Variants in SYT9 observed in about 807,000 individuals in gnomAD.
The protein encoded by SYT9 is synaptotagmin 9.
A neutral mutation model predicts 48.4 loss-of-function variants in SYT9; 22 were observed. That is an observed-to-expected ratio of 0.45 (90% CI 0.32 to 0.65). The LOEUF (loss-of-function observed/expected upper bound fraction) is 0.65, where lower values mean the gene tolerates loss of function less well. Among genes scored for constraint, SYT9 ranks in the 30% least tolerant of loss-of-function variants. The pLI is 0.03. For missense variants in SYT9, 577 were observed against 622.0 expected (o/e 0.93, Z 0.77); for synonymous variants, 265 against 245.0 (o/e 1.08, Z -0.76).
chr11:7,319,427 A>G (rs931341605), intron 3 of SYT9, among the ~76,000 whole-genome samples: 17 of 151,334 alleles, frequency 1.1e-4, no homozygotes, highest in African/African-American at 2.9e-4. Context: ...CTGACCTCCA[A>G]TTGTTTTTGA....
At chr11:7,424,430 G>C (rs1847416236) in intron 6 of SYT9, among the ~76,000 whole-genome samples, 1 of 152,168 alleles carries the variant, frequency 6.6e-6, no homozygotes, top group South Asian at 2.1e-4. Context: ...CAATTCAAGA[G>C]AAGATGGTTT....
intron 6 of SYT9, among the ~76,000 whole-genome samples, chr11:7,454,875 G>T (rs1462015868): frequency 6.6e-6 from 1 of 152,188 alleles, no homozygotes; most frequent in Non-Finnish European, 1.5e-5. Flanking sequence ...TTTGCCTGGA[G>T]GAGGCTTCTG....
In SYT9 at chr11:7,466,972, A is replaced by G. The variant is rs1848349748; in HGVS notation, c.*172A>G. The G allele has an allele frequency of 7.7e-6, 6 of 779,042 alleles. No individual in the cohort carries two copies. Among genetic ancestry groups the G allele is most frequent in the African/African-American group, 3.5e-5 (2 of 56,770 alleles). The allele number at this position is 779,042 out of a possible 1,614,324, so 48.3% of individuals were successfully genotyped here. A position where few individuals can be genotyped will look rare whatever the true frequency, so the allele number is the denominator to read the frequency against. Reference sequence around the variant, plus strand: ...TCCAGATTGGGTTTGGTGAACCTGAATGGTCCAGCCACCTTCTGCAGGTGG... The same window carrying G: ...TCCAGATTGGGTTTGGTGAACCTGAGTGGTCCAGCCACCTTCTGCAGGTGG... On this transcript the variant is annotated 3_prime_UTR_variant, in exon 7 of 7. Transcript: ENST00000318881.
intron 3 of SYT9, among the ~76,000 whole-genome samples, chr11:7,362,731 C>A (rs769579161): frequency 2.0e-5 from 3 of 152,190 alleles, no homozygotes; most frequent in Middle Eastern, 6.8e-3. Context: ...TTGCTTTCAA[C>A]ATTAATGTGT....
intron 3 of SYT9, among the ~76,000 whole-genome samples, chr11:7,413,232 C>G (rs992576395): frequency 6.6e-6 from 1 of 152,128 alleles, no homozygotes; most frequent in Admixed American, 6.5e-5. Flanking sequence ...CTAGTGACAG[C>G]GGGATTTATC....
chr11:7,264,779 G>T (rs1264832422), intron 1 of SYT9, among the ~76,000 whole-genome samples: 1 of 152,092 alleles, frequency 6.6e-6, no homozygotes, highest in Non-Finnish European at 1.5e-5. Flanking sequence ...CCAGGGTTTT[G>T]GAAGTGTTAT....
chr11:7,319,822 T>C (rs1263595782), intron 3 of SYT9, among the ~76,000 whole-genome samples: 1 of 152,202 alleles, frequency 6.6e-6, no homozygotes, highest in Non-Finnish European at 1.5e-5. Flanking sequence ...GACTCACATT[T>C]ACCTCCATTC....
At position 7,468,104 on chromosome 11, in the gene SYT9, C is replaced by T. The variant is rs754421282; in HGVS notation, c.*1304C>T. The T allele has an allele frequency of 5.6e-4, 220 of 394,302 alleles. 1 individual carries two copies. Among genetic ancestry groups the T allele is most frequent in the Non-Finnish European group, 8.8e-4 (196 of 223,670 alleles). The allele number at this position is 394,302 out of a possible 1,614,324, so 24.4% of individuals were successfully genotyped here. Reference sequence around the variant, plus strand: ...ATAGGTGCAAGGCACCCCATCCACACATTTGCACCACTACTCCAAGATAGT... The same window carrying T: ...ATAGGTGCAAGGCACCCCATCCACATATTTGCACCACTACTCCAAGATAGT... On this transcript the variant is annotated 3_prime_UTR_variant, in exon 7 of 7. Coordinates refer to ENST00000318881, the MANE Select transcript of SYT9 (RefSeq NM_175733.4).
chr11:7,464,111 C>T (rs1034661606), intron 6 of SYT9, among the ~76,000 whole-genome samples: 4 of 152,092 alleles, frequency 2.6e-5, no homozygotes, highest in African/African-American at 9.7e-5. Context: ...GAAGGAACTG[C>T]TTAAATGAAG....
chr11:7,255,609 A>T (rs9665862), intron 1 of SYT9, among the ~76,000 whole-genome samples: 79,239 of 151,402 alleles, frequency 0.52, 20,858 homozygotes, highest in Admixed American at 0.56. Context: ...ATTTGCAGGT[A>T]CAGCCGCAAG....
At chr11:7,347,407 GT>G (rs1849819331) in intron 3 of SYT9, among the ~76,000 whole-genome samples, 1 of 151,812 alleles carries the variant, frequency 6.6e-6, no homozygotes, top group South Asian at 2.1e-4. Flanking sequence ...AATTTTTTTT[GT>G]ATTTTTAGTG....
intron 3 of SYT9, among the ~76,000 whole-genome samples, chr11:7,412,369 T>G (rs1419245458): frequency 1.3e-5 from 2 of 152,228 alleles, no homozygotes; most frequent in Non-Finnish European, 2.9e-5. Context: ...ATCTATGATG[T>G]TGGTTGAGTA....
chr11:7,392,298 G>A (rs1589993231), intron 3 of SYT9, among the ~76,000 whole-genome samples: 1 of 151,988 alleles, frequency 6.6e-6, no homozygotes, highest in African/African-American at 2.4e-5. Flanking sequence ...TGATAGATAG[G>A]GGTCCACTTT....
At chr11:7,349,381 A>AC (rs1209557483) in intron 3 of SYT9, among the ~76,000 whole-genome samples, 6 of 126,186 alleles carry the variant, frequency 4.8e-5, no homozygotes, top group Non-Finnish European at 6.8e-5. Flanking sequence ...AAAAATATAC[A>AC]AACACACACA....
chr11:7,454,543 C>T (rs961892602), intron 6 of SYT9, among the ~76,000 whole-genome samples: 1 of 152,112 alleles, frequency 6.6e-6, no homozygotes, highest in Non-Finnish European at 1.5e-5. Flanking sequence ...GAAGACAATG[C>T]GAGTAACTGA....
intron 6 of SYT9, among the ~76,000 whole-genome samples, chr11:7,459,783 C>G (rs1441974553): frequency 6.6e-6 from 1 of 152,142 alleles, no homozygotes; most frequent in Non-Finnish European, 1.5e-5. Context: ...AGGAGACTGC[C>G]ATGTGACAAT....
chr11:7,441,015 T>C (rs1001447209), intron 6 of SYT9: 1 of 152,218 alleles, frequency 6.6e-6, no homozygotes, highest in African/African-American at 2.4e-5. Context: ...GATTGAATCC[T>C]AGATGTAAGT....
chr11:7,297,460 T>G (rs1340277352), intron 1 of SYT9, among the ~76,000 whole-genome samples: 2 of 152,216 alleles, frequency 1.3e-5, no homozygotes, highest in Non-Finnish European at 2.9e-5. Context: ...ATACCTAAAA[T>G]AATTAACAAT....
In SYT9 at chr11:7,312,252, CT is replaced by C. The variant is rs1301605619; in HGVS notation, c.498-1141del. Among the ~76,000 whole-genome samples, 12 of 152,222 alleles carry C rather than the reference CT, an allele frequency of 7.9e-5. No homozygotes were observed. The East Asian group carries it at 2.3e-3, about 29-fold the overall frequency. On this transcript the variant is annotated intron_variant, in intron 2 of 6. Transcript: ENST00000318881. ...TACTTTCAAATGTGTCTGGGGGTCC[CT>C]TAATTCCATTTTTACGTCTTTATTT...
Sources: gnomAD v4.1 joint callset for allele counts (sites outside exome capture counted in the v4.1 genomes callset) on GRCh38, gnomAD v4.1.1 for gene constraint, MANE v1.5 for transcripts, NCBI Gene and HGNC (gene_info 2026-07-23, HGNC 2026-07-21) for gene names.